The following GRIN2A variants were observed in gnomAD, a reference collection of about 807,000 sequenced individuals.
The protein encoded by GRIN2A is glutamate ionotropic receptor NMDA type subunit 2A, also known as glutamate receptor ionotropic, NMDA 2A.
GRIN2A carries 22 observed loss-of-function variants against 113.4 expected under a neutral mutation model. The ratio of observed to expected loss-of-function variants is 0.19; its 90% CI spans 0.14 to 0.28. The LOEUF is 0.28. GRIN2A is among the 10% of genes least tolerant of loss of function. GRIN2A has a pLI of 1.00. For synonymous variants in GRIN2A, 827 were observed against 738.4 expected, an observed-to-expected ratio of 1.12 and a Z score of -1.94; for missense variants, 1,502 against 1,887.0, an observed-to-expected ratio of 0.80 and a Z score of 3.78.
chr16:9,969,733 A>G (rs995337945), intron 2 of GRIN2A, among the ~76,000 whole-genome samples: 4 of 152,216 alleles, frequency 2.6e-5, no homozygotes, highest in Admixed American at 2.0e-4. Context: ...TGTCACAGCT[A>G]GGAGGCAGGG....
At chr16:10,120,822 C>T (rs1470244045) in intron 2 of GRIN2A, among the ~76,000 whole-genome samples, 1 of 152,052 alleles carries the variant, frequency 6.6e-6, no homozygotes, top group Non-Finnish European at 1.5e-5. Context: ...CAGAAGCCTT[C>T]ATATTCTCTC....
intron 3 of GRIN2A, among the ~76,000 whole-genome samples, chr16:9,930,777 A>G (rs2044573310): frequency 6.6e-6 from 1 of 152,186 alleles, no homozygotes; most frequent in African/African-American, 2.4e-5. Flanking sequence ...AAATATGTCA[A>G]CCAGGTTTAG....
At chr16:9,848,284 C>T (rs528269783) in intron 5 of GRIN2A, among the ~76,000 whole-genome samples, 62 of 150,828 alleles carry the variant, frequency 4.1e-4, no homozygotes, top group Non-Finnish European at 7.5e-4. Flanking sequence ...GGCTCGATCT[C>T]GACTTATTGC....
intron 2 of GRIN2A, among the ~76,000 whole-genome samples, chr16:10,048,264 C>T (rs923088175): frequency 1.3e-5 from 2 of 152,238 alleles, no homozygotes; most frequent in South Asian, 2.1e-4. Context: ...TACTTAAAAT[C>T]GTGATTGGCA....
rs367543136 is a variant in GRIN2A at position 9,764,887 on chromosome 16, T to A, written c.2657A>T (p.Asn886Ile). ...IEEKKKSPDF[N>I]LTGSQSNMLK... ...CATGTTGCTCTGGGATCCCGTCAGA[T>A]TGAAGTCTGGAGACTTCTTCTTTTC... is the stretch of plus-strand genomic sequence containing the variant. The change falls in exon 13 of 13, where the codon AAT (asparagine) becomes ATT (isoleucine). Residue 886 changes from asparagine (N) to isoleucine (I), a missense_variant. Asn to Ile is a moderately radical substitution (Grantham distance 149). Around this residue, in one of 7 missense-constraint regions of GRIN2A, gnomAD observed 832 missense variants for 789.7 expected, o/e 1.05. Transcript: ENST00000330684. The A allele has an allele frequency of 6.2e-7, 1 of 1,614,144 alleles. No individual in the cohort carries two copies. The highest frequency in any genetic ancestry group is 8.5e-7 in the Non-Finnish European group (1 of 1,179,958).
chr16:10,068,984 G>C (rs1280086790), intron 2 of GRIN2A, among the ~76,000 whole-genome samples: 1 of 152,172 alleles, frequency 6.6e-6, no homozygotes, highest in Non-Finnish European at 1.5e-5. Context: ...GGTGCGTGGT[G>C]GGGAGCAGGT....
chr16:10,108,125 A>G (rs117917728), intron 2 of GRIN2A, among the ~76,000 whole-genome samples: 11,002 of 152,314 alleles, frequency 0.072, 568 homozygotes, highest in Non-Finnish European at 0.11. Flanking sequence ...GCTGCTGATA[A>G]AGACATAACT....
At chr16:10,056,677 G>A (rs2047461671) in intron 2 of GRIN2A, among the ~76,000 whole-genome samples, 1 of 152,082 alleles carries the variant, frequency 6.6e-6, no homozygotes, top group South Asian at 2.1e-4. Flanking sequence ...ACACACACAA[G>A]GAGAAGGCCA....
intron 2 of GRIN2A, among the ~76,000 whole-genome samples, chr16:10,141,679 C>T (rs150821435): frequency 2.6e-5 from 4 of 152,198 alleles, no homozygotes; most frequent in African/African-American, 4.8e-5. Flanking sequence ...TAATGCCAGA[C>T]CTTTTCATAT....
intron 2 of GRIN2A, among the ~76,000 whole-genome samples, chr16:10,130,566 G>A (rs974940048): frequency 1.3e-5 from 2 of 152,100 alleles, no homozygotes; most frequent in Non-Finnish European, 1.5e-5. Context: ...CTGTCAAAAG[G>A]AACAGGACAT....
chr16:10,159,909 ACT>A, intron 2 of GRIN2A, among the ~76,000 whole-genome samples: 1 of 152,206 alleles, frequency 6.6e-6, no homozygotes, highest in Non-Finnish European at 1.5e-5. Flanking sequence ...ATTTAGCCCA[ACT>A]TTCTTACTTG....
At chr16:9,961,952 A>G (rs1319784250) in intron 2 of GRIN2A, among the ~76,000 whole-genome samples, 5 of 152,240 alleles carry the variant, frequency 3.3e-5, no homozygotes, top group Non-Finnish European at 7.3e-5. Flanking sequence ...CTCAGAAATA[A>G]TACCACATAT....
At chr16:9,814,924 G>A (rs1220884844) in intron 10 of GRIN2A, among the ~76,000 whole-genome samples, 1 of 151,884 alleles carries the variant, frequency 6.6e-6, no homozygotes, top group Non-Finnish European at 1.5e-5. Context: ...GGAAGGCTGA[G>A]GCAGGAGAAT....
At chr16:9,954,634 C>T (rs943298369) in intron 2 of GRIN2A, among the ~76,000 whole-genome samples, 3 of 152,042 alleles carry the variant, frequency 2.0e-5, no homozygotes, top group African/African-American at 7.2e-5. Flanking sequence ...GCATACAAAC[C>T]CATCTCTCCA....
At chr16:9,895,308 C>T (rs1274577689) in intron 3 of GRIN2A, among the ~76,000 whole-genome samples, 2 of 152,172 alleles carry the variant, frequency 1.3e-5, no homozygotes, top group African/African-American at 4.8e-5. Flanking sequence ...GCAGCTCTTG[C>T]TCATGCACAT....
chr16:9,969,934 G>A (rs558431808), intron 2 of GRIN2A, among the ~76,000 whole-genome samples: 6 of 152,296 alleles, frequency 3.9e-5, no homozygotes, highest in Admixed American at 2.0e-4. Flanking sequence ...ACTCCCGCAC[G>A]CCATCTTAGA....
At chr16:10,038,743 G>C (rs1392818011) in intron 2 of GRIN2A, among the ~76,000 whole-genome samples, 1 of 151,750 alleles carries the variant, frequency 6.6e-6, no homozygotes, top group Non-Finnish European at 1.5e-5. Flanking sequence ...AGCTACTAGG[G>C]TGGCTGAGGC....
At chr16:10,093,561 C>T (rs1346493935) in intron 2 of GRIN2A, among the ~76,000 whole-genome samples, 1 of 151,828 alleles carries the variant, frequency 6.6e-6, no homozygotes, top group Non-Finnish European at 1.5e-5. Context: ...TTTAATCAGC[C>T]TTATATTTAA....
chr16:10,137,916 G>A (rs1401140739), intron 2 of GRIN2A, among the ~76,000 whole-genome samples: 2 of 152,176 alleles, frequency 1.3e-5, no homozygotes, highest in Non-Finnish European at 2.9e-5. Flanking sequence ...TGATCTCTCT[G>A]CCTCTGAGGG....
Sources: gnomAD v4.1 joint callset for allele counts (sites outside exome capture counted in the v4.1 genomes callset) on GRCh38, gnomAD v4.1.1 for gene constraint, gnomAD v4.1.1 regional missense constraint, MANE v1.5 for transcripts, NCBI Gene and HGNC (gene_info 2026-07-23, HGNC 2026-07-21) for gene names.